Variants in PSD2 observed in about 807,000 individuals in gnomAD.
The protein encoded by PSD2 is PH and SEC7 domain-containing protein 2.
In PSD2, 38 loss-of-function variants were observed where a neutral mutation model predicts 69.8. The ratio of observed to expected loss-of-function variants is 0.54; its 90% CI spans 0.42 to 0.71. PSD2 has a LOEUF of 0.71. PSD2 is among the 30% of genes least tolerant of loss of function. PSD2 has a pLI of 0.00. For synonymous variants in PSD2, 412 were observed against 423.0 expected (o/e 0.97, Z 0.32); for missense variants, 943 against 1,014.5 (o/e 0.93, Z 0.96).
In PSD2 at chr5:139,809,470, G is replaced by A; in HGVS notation, c.30G>A (p.Val10=). 2 of 1,612,496 alleles carry A rather than the reference G, an allele frequency of 1.2e-6. No homozygotes were observed. Among genetic ancestry groups the A allele is most frequent in the Non-Finnish European group, 1.7e-6 (2 of 1,179,530 alleles). Residue 10 remains valine, a synonymous_variant, in exon 2 of 15, where the codon GTG becomes GTA. Coordinates refer to ENST00000274710, the MANE Select transcript of PSD2 (RefSeq NM_032289.4). MEEDKLLSA[V]PEEGDATRDP... is the part of the protein sequence containing the mutation. Reference sequence around the variant, plus strand: ...AGGAGGACAAGCTCTTATCTGCAGTGCCTGAGGAAGGCGATGCCACCCGTG... The same window carrying A: ...AGGAGGACAAGCTCTTATCTGCAGTACCTGAGGAAGGCGATGCCACCCGTG...
intron 1 of PSD2, among the ~76,000 whole-genome samples, chr5:139,799,674 C>T (rs1179404856): frequency 1.3e-5 from 2 of 152,038 alleles, no homozygotes; most frequent in African/African-American, 2.4e-5. Context: ...GTGGCAGCAC[C>T]CAGCACAAGA....
chr5:139,766,003 C>G, the PSD2 span, among the ~76,000 whole-genome samples: 1 of 152,046 alleles, frequency 6.6e-6, no homozygotes, highest in African/African-American at 2.4e-5. Flanking sequence ...AAGCTGGCGG[C>G]GATGGGGTGA....
chr5:139,829,333 A>C (rs1185508886), intron 7 of PSD2, among the ~76,000 whole-genome samples: 1 of 152,124 alleles, frequency 6.6e-6, no homozygotes, highest in Non-Finnish European at 1.5e-5. Flanking sequence ...TTAGTGATTT[A>C]TTTTCTTGTT....
chr5:139,804,172 G>T (rs541294110), intron 1 of PSD2, among the ~76,000 whole-genome samples: 34 of 152,352 alleles, frequency 2.2e-4, no homozygotes, highest in African/African-American at 7.7e-4. Flanking sequence ...GTGTTTGTGT[G>T]TCTGAAGATC....
At chr5:139,765,338 C>T in the PSD2 span, among the ~76,000 whole-genome samples, 2 of 152,118 alleles carry the variant, frequency 1.3e-5, no homozygotes. Flanking sequence ...CCAGTTTAGG[C>T]TTGGTACCAC....
chr5:139,817,923 T>C (rs1024799149), intron 5 of PSD2, among the ~76,000 whole-genome samples: 1 of 152,188 alleles, frequency 6.6e-6, no homozygotes, highest in Admixed American at 6.5e-5. Context: ...ATTTTTCACA[T>C]GAAGAAACTA....
intron 8 of PSD2, among the ~76,000 whole-genome samples, chr5:139,834,596 C>G (rs1760671947): frequency 6.6e-6 from 1 of 152,072 alleles, no homozygotes; most frequent in Non-Finnish European, 1.5e-5. Context: ...CCACCACACC[C>G]AGCCAGCTTC....
chr5:139,797,553 A>T (rs1759562267), intron 1 of PSD2, among the ~76,000 whole-genome samples: 1 of 152,220 alleles, frequency 6.6e-6, no homozygotes, highest in South Asian at 2.1e-4. Flanking sequence ...GACCTGACAA[A>T]TAGTGCCTCC....
the PSD2 span, among the ~76,000 whole-genome samples, chr5:139,764,015 T>G: frequency 6.6e-6 from 1 of 152,122 alleles, no homozygotes; most frequent in Admixed American, 6.6e-5. Flanking sequence ...TGGCCTCTGG[T>G]GAATAGATGA....
the PSD2 span, among the ~76,000 whole-genome samples, chr5:139,789,789 C>T: frequency 2.6e-5 from 4 of 151,906 alleles, no homozygotes; most frequent in Non-Finnish European, 5.9e-5. Flanking sequence ...CAGACCATTC[C>T]CAGAAAGGAC....
At chr5:139,830,974 G>T (rs148135640) in intron 7 of PSD2, among the ~76,000 whole-genome samples, 1 of 151,846 alleles carries the variant, frequency 6.6e-6, no homozygotes, top group Non-Finnish European at 1.5e-5. Flanking sequence ...TTTTGGCATA[G>T]AATTCTTGCC....
In PSD2 at chr5:139,842,502, G is replaced by T; in HGVS notation, c.*28G>T. The T allele has an allele frequency of 6.3e-7, 1 of 1,599,504 alleles. No individual in the cohort carries two copies. Among genetic ancestry groups the T allele is most frequent in the South Asian group, 1.1e-5 (1 of 90,672 alleles). ...GACATGGATTTGCAGACCCCAGGGT[G>T]GGCAGATGTCTCCAGTGGGGTCAGT... is the stretch of plus-strand genomic sequence containing the variant. On this transcript the variant is annotated 3_prime_UTR_variant, in exon 15 of 15. Transcript: ENST00000274710.
At chr5:139,813,869 C>T (rs1760044451) in intron 3 of PSD2, 111 bp downstream of exon 3, 1 of 928,984 alleles carries the variant, frequency 1.1e-6, no homozygotes, top group African/African-American at 1.7e-5. Flanking sequence ...ATGCCCTCTT[C>T]AAGGTCACCT....
At chr5:139,748,274 T>G in the PSD2 span, among the ~76,000 whole-genome samples, 1 of 141,032 alleles carries the variant, frequency 7.1e-6, no homozygotes, top group Non-Finnish European at 1.5e-5. Context: ...CATGATCACC[T>G]CAGACAGCTT....
At chr5:139,769,911 T>G in the PSD2 span, among the ~76,000 whole-genome samples, 4 of 152,264 alleles carry the variant, frequency 2.6e-5, no homozygotes, top group Admixed American at 2.6e-4. Flanking sequence ...CCTGCTTACC[T>G]TAATGCTCTG....
chr5:139,836,894 T>C lies in PSD2; in HGVS notation c.1487T>C (p.Leu496Pro). Reference protein sequence around the residue: ...GTGTKKVTRILDGGNPFLDVP... With the variant: ...GTGTKKVTRIPDGGNPFLDVP... ...GGCACGAAGAAGGTGACGCGAATCC[T>C]GGATGGTGGCAACCCCTTCCTGGAT... Residue 496 changes from leucine (L) to proline (P), a missense_variant, in exon 10 of 15, where the codon CTG becomes CCG. Leu to Pro is a moderately conservative substitution (Grantham distance 98, BLOSUM62 -3). Transcript: ENST00000274710. 6.2e-7 allele frequency: 1 copy of C among 1,614,196 alleles called. No homozygotes were observed. The highest frequency in any genetic ancestry group is 8.5e-7 in the Non-Finnish European group (1 of 1,180,024).
Position 139,837,776 on chromosome 5 carries a change from A to T in PSD2, c.1817A>T (p.Gln606Leu). ...KTADWRVFLF[Q>L]APSKEEMLSW... Reference sequence around the variant, plus strand: ...GCCGACTGGAGGGTATTCCTCTTCCAGGCACCGTGAGTAGGAGCTGGAGCC... The same window carrying T: ...GCCGACTGGAGGGTATTCCTCTTCCTGGCACCGTGAGTAGGAGCTGGAGCC... The change falls in exon 12 of 15, where the codon CAG becomes CTG. Residue 606 changes from glutamine to leucine, a missense_variant. Coordinates refer to ENST00000274710, the MANE Select transcript of PSD2 (RefSeq NM_032289.4). The surrounding 1 kb of genome is among the most constrained non-coding windows in gnomAD (Gnocchi z 5.0). 1.2e-6 allele frequency: 2 copies of T among 1,608,782 alleles called. No homozygotes were observed. The highest frequency in any genetic ancestry group is 1.7e-6 in the Non-Finnish European group (2 of 1,175,930).
the PSD2 span, among the ~76,000 whole-genome samples, chr5:139,789,004 T>G: frequency 6.6e-6 from 1 of 152,232 alleles, no homozygotes; most frequent in South Asian, 2.1e-4. Flanking sequence ...GAGTGGTGGG[T>G]CACGTTGTCC....
the PSD2 span, among the ~76,000 whole-genome samples, chr5:139,766,913 CTTCCTTCCTTCCTTCCCTT>C: frequency 5.9e-5 from 2 of 34,068 alleles, no homozygotes; most frequent in East Asian, 8.8e-4. Flanking sequence ...CCCTCCCTTC[CTTCCTTCCTTCCTTCCCTT>C]CTTTCTTTCT....
Sources: allele counts gnomAD v4.1 joint callset (sites outside exome capture counted in the v4.1 genomes callset), GRCh38; gene constraint gnomAD v4.1.1; non-coding constraint Gnocchi (gnomAD v3.1); transcripts MANE v1.5; gene names NCBI Gene and HGNC (gene_info 2026-07-23, HGNC 2026-07-21).